Variants in NTN1 observed in about 807,000 individuals in gnomAD.
NTN1 encodes netrin-1.
NTN1 carries 11 observed loss-of-function variants against 54.2 expected under a neutral mutation model. The observed-to-expected ratio is 0.20, with a 90% confidence interval of 0.13 to 0.34. The LOEUF is 0.34. Ranked by LOEUF, NTN1 falls within the 10% of genes least tolerant of loss-of-function variation. The probability of loss-of-function intolerance (pLI) is 1.00; values close to 1 mark genes in which losing one functional copy is unlikely to be tolerated. For synonymous variants in NTN1, 371 were observed against 382.0 expected (o/e 0.97, Z 0.33); for missense variants, 740 against 893.1 (o/e 0.83, Z 2.18).
At chr17:9,007,639 T>A in the NTN1 span, among the ~76,000 whole-genome samples, 1 of 150,278 alleles carries the variant, frequency 6.7e-6, no homozygotes, top group African/African-American at 2.5e-5. Flanking sequence ...TTTCTTTCTT[T>A]TCTTTCTTCC....
chr17:9,022,961 G>C lies in NTN1; in HGVS notation c.588G>C (p.Gln196His), dbSNP rs1474579784. The C allele has an allele frequency of 6.2e-7, 1 of 1,611,328 alleles. No individual in the cohort carries two copies. Among genetic ancestry groups the C allele is most frequent in the East Asian group, 2.2e-5 (1 of 44,698 alleles). The change falls in exon 2 of 7, where the codon CAG becomes CAC. Residue 196 changes from glutamine to histidine, a missense_variant. Gln to His is a conservative substitution (Grantham distance 24). Coordinates refer to ENST00000173229, the MANE Select transcript of NTN1 (RefSeq NM_004822.3). ...NRPHRAPITK[Q>H]NEQEAVCTDS... ...CGCACCGCGCGCCCATCACCAAGCAGAACGAGCAGGAGGCCGTGTGCACCG... is the reference window on the plus strand; with the variant it reads ...CGCACCGCGCGCCCATCACCAAGCACAACGAGCAGGAGGCCGTGTGCACCG...
intron 5 of NTN1, among the ~76,000 whole-genome samples, chr17:9,209,071 A>C (rs1426848825): frequency 6.6e-6 from 1 of 152,100 alleles, no homozygotes; most frequent in Non-Finnish European, 1.5e-5. Flanking sequence ...GCACCTTCTC[A>C]TCCTTCAGGA....
upstream of NTN1, among the ~76,000 whole-genome samples, chr17:9,017,121 A>G (rs1027883288): frequency 4.6e-5 from 7 of 152,188 alleles, no homozygotes; most frequent in African/African-American, 1.7e-4. Context: ...TGCTGGCTCC[A>G]GTTCCTATCA....
chr17:9,048,954 C>T (rs368661067), intron 2 of NTN1, among the ~76,000 whole-genome samples: 58 of 152,314 alleles, frequency 3.8e-4, no homozygotes, highest in African/African-American at 1.3e-3. Flanking sequence ...CCGCGCCCGG[C>T]GGAAAATGCT....
In NTN1 at chr17:9,022,920, A is replaced by G; in HGVS notation, c.547A>G (p.Lys183Glu). The G allele has an allele frequency of 1.2e-6, 2 of 1,612,074 alleles. No individual in the cohort carries two copies. Among genetic ancestry groups the G allele is most frequent in the South Asian group, 1.1e-5 (1 of 91,026 alleles). The change falls in exon 2 of 7, where the codon AAG (lysine) becomes GAG (glutamate). Residue 183 changes from lysine to glutamate, a missense_variant. Lys to Glu is a moderately conservative substitution (Grantham distance 56). Coordinates refer to ENST00000173229, the MANE Select transcript of NTN1 (RefSeq NM_004822.3). ...PFQFYSTQCR[K>E]MYNRPHRAPI... ...CCAGTTCTACTCCACGCAGTGCCGCAAGATGTACAACCGGCCGCACCGCGC... is the reference window on the plus strand; with the variant it reads ...CCAGTTCTACTCCACGCAGTGCCGCGAGATGTACAACCGGCCGCACCGCGC...
chr17:9,157,041 C>G lies in NTN1; in HGVS notation c.1019-5772C>G, dbSNP rs2092344953. 2.6e-5 allele frequency among the ~76,000 whole-genome samples: 4 copies of G among 151,996 alleles called. No individual in the cohort carries two copies. In the South Asian group the frequency reaches 8.3e-4, roughly 32 times the overall value. ...TCTATCCATCCGTCCATCCATCCACCTTTTCATCCTTCCATTCATTCATCC... is the reference window on the plus strand; with the variant it reads ...TCTATCCATCCGTCCATCCATCCACGTTTTCATCCTTCCATTCATTCATCC... On this transcript the variant is annotated intron_variant, in intron 2 of 6. Transcript: ENST00000173229.
chr17:9,164,276 T>G (rs990654754), intron 3 of NTN1, among the ~76,000 whole-genome samples: 3 of 152,024 alleles, frequency 2.0e-5, no homozygotes, highest in African/African-American at 4.8e-5. Context: ...AATAGCAAAA[T>G]TAACTGGGTG....
chr17:9,227,757 C>A (rs1905644159), intron 6 of NTN1, among the ~76,000 whole-genome samples: 1 of 151,788 alleles, frequency 6.6e-6, no homozygotes, highest in Non-Finnish European at 1.5e-5. Context: ...CAGACTCACA[C>A]ATTTATCATA....
intron 2 of NTN1, among the ~76,000 whole-genome samples, chr17:9,143,573 C>A (rs1399228755): frequency 6.6e-6 from 1 of 152,122 alleles, no homozygotes; most frequent in African/African-American, 2.4e-5. Flanking sequence ...AGAGTAAAGA[C>A]GATCTAGGGA....
intron 5 of NTN1, among the ~76,000 whole-genome samples, chr17:9,210,444 CCACA>C (rs71135952): frequency 9.1e-4 from 92 of 100,968 alleles, no homozygotes; most frequent in East Asian, 8.7e-3. Context: ...ACCCCCACAC[CCACA>C]CACACACACA....
Position 9,021,602 on chromosome 17 carries a change from C to T in NTN1, c.-64+17C>T, listed in dbSNP as rs1052232436. Reference sequence around the variant, plus strand: ...CCGGCCAGCGTGAGTGTGTGTGCGCCCCGGGCGCGGGCAGGGCAGCACTCC... The same window carrying T: ...CCGGCCAGCGTGAGTGTGTGTGCGCTCCGGGCGCGGGCAGGGCAGCACTCC... On this transcript the variant is annotated intron_variant, in intron 1 of 6. Transcript: ENST00000173229. The T allele has an allele frequency of 2.6e-4, 40 of 151,454 alleles. No individual in the cohort carries two copies. The highest frequency in any genetic ancestry group is 4.1e-4 in the Non-Finnish European group (28 of 67,588). The allele number at this position is 151,454 out of a possible 1,614,324, so 9.4% of individuals were successfully genotyped here.
intron 6 of NTN1, among the ~76,000 whole-genome samples, chr17:9,227,159 C>T (rs1905596049): frequency 6.6e-6 from 1 of 152,160 alleles, no homozygotes; most frequent in Admixed American, 6.5e-5. Flanking sequence ...TGCTCACGTC[C>T]ACACCACTCA....
At chr17:9,121,949 A>C (rs1347532377) in intron 2 of NTN1, among the ~76,000 whole-genome samples, 2 of 152,010 alleles carry the variant, frequency 1.3e-5, no homozygotes, top group Non-Finnish European at 2.9e-5. Context: ...TTGATACAGG[A>C]GAGCTGGAAT....
At chr17:9,128,001 C>T (rs1360666743) in intron 2 of NTN1, among the ~76,000 whole-genome samples, 1 of 152,042 alleles carries the variant, frequency 6.6e-6, no homozygotes, top group African/African-American at 2.4e-5. Context: ...CCTGTAATCC[C>T]AGCTACTCAG....
chr17:9,109,771 G>C (rs2092183776), intron 2 of NTN1, among the ~76,000 whole-genome samples: 3 of 152,142 alleles, frequency 2.0e-5, no homozygotes, highest in Admixed American at 1.3e-4. Context: ...GCTAACACTT[G>C]GTATTGTCAG....
chr17:9,134,455 C>A (rs995334624), intron 2 of NTN1, among the ~76,000 whole-genome samples: 1 of 152,164 alleles, frequency 6.6e-6, no homozygotes, highest in Non-Finnish European at 1.5e-5. Context: ...CAGGGATTGA[C>A]TAGATTGGGA....
intron 6 of NTN1, among the ~76,000 whole-genome samples, chr17:9,224,646 C>A (rs2142360395): frequency 6.6e-6 from 1 of 152,370 alleles, no homozygotes; most frequent in South Asian, 2.1e-4. Context: ...CATCACAATT[C>A]CTCCAGAGAG....
the NTN1 span, among the ~76,000 whole-genome samples, chr17:9,014,285 C>T: frequency 2.6e-5 from 4 of 152,126 alleles, no homozygotes; most frequent in Non-Finnish European, 5.9e-5. Context: ...CTCTAGATGC[C>T]TTGAAATGAA....
intron 2 of NTN1, among the ~76,000 whole-genome samples, chr17:9,081,361 A>G (rs1398449965): frequency 3.3e-5 from 5 of 152,038 alleles, no homozygotes; most frequent in East Asian, 3.8e-4. Context: ...CTCTGTGCCA[A>G]TGAAGATCAC....
Sources: gnomAD v4.1 joint callset for allele counts (sites outside exome capture counted in the v4.1 genomes callset) on GRCh38, gnomAD v4.1.1 for gene constraint, MANE v1.5 for transcripts, NCBI Gene and HGNC (gene_info 2026-07-23, HGNC 2026-07-21) for gene names.